The following CNTNAP5 variants were observed in gnomAD, a reference collection of about 807,000 sequenced individuals.
CNTNAP5 encodes the protein contactin associated protein family member 5.
CNTNAP5 carries 72 observed loss-of-function variants against 150.2 expected under a neutral mutation model. The observed-to-expected ratio is 0.48, with a 90% CI of 0.40 to 0.58. The LOEUF is 0.58. Ranked by LOEUF, CNTNAP5 falls within the 20% of genes least tolerant of loss-of-function variation. The probability of loss-of-function intolerance (pLI) is 0.00; values close to 1 mark genes in which losing one functional copy is unlikely to be tolerated. For synonymous variants in CNTNAP5, 672 were observed against 619.8 expected (o/e 1.08, Z -1.25); for missense variants, 1,636 against 1,626.2 (o/e 1.01, Z -0.10).
chr2:124,269,010 G>A (rs1016476170), intron 3 of CNTNAP5, among the ~76,000 whole-genome samples: 4 of 152,012 alleles, frequency 2.6e-5, no homozygotes, highest in Non-Finnish European at 4.4e-5. Flanking sequence ...ACACCCAAAG[G>A]AGGACCAAAG....
intron 14 of CNTNAP5, among the ~76,000 whole-genome samples, chr2:124,750,852 T>C (rs1439870075): frequency 6.6e-6 from 1 of 151,548 alleles, no homozygotes; most frequent in East Asian, 1.9e-4. Context: ...GGCATGGTGG[T>C]GCGTGCCTGT....
chr2:124,093,069 T>C (rs1040407102), intron 1 of CNTNAP5, among the ~76,000 whole-genome samples: 1 of 152,222 alleles, frequency 6.6e-6, no homozygotes, highest in East Asian at 1.9e-4. Context: ...CAAGTAGTCA[T>C]TTCTCCAGGG....
intron 3 of CNTNAP5, among the ~76,000 whole-genome samples, chr2:124,360,383 G>A (rs1392627748): frequency 2.7e-5 from 4 of 148,520 alleles, no homozygotes; most frequent in Non-Finnish European, 6.0e-5. Flanking sequence ...CTCGTTAGTT[G>A]ATGCAGTTTC....
chr2:124,053,000 C>T (rs1681748891), intron 1 of CNTNAP5, among the ~76,000 whole-genome samples: 2 of 149,786 alleles, frequency 1.3e-5, no homozygotes, highest in Admixed American at 1.3e-4. Context: ...TTCCCTGGCC[C>T]TCCCTCCCCC....
chr2:124,510,794 T>C (rs562747167), intron 8 of CNTNAP5, among the ~76,000 whole-genome samples: 1 of 152,114 alleles, frequency 6.6e-6, no homozygotes, highest in South Asian at 2.1e-4. Flanking sequence ...AAAGATCTGA[T>C]CCATGTGGAA....
intron 7 of CNTNAP5, among the ~76,000 whole-genome samples, chr2:124,487,068 C>T (rs147706171): frequency 1.3e-5 from 2 of 152,290 alleles, no homozygotes; most frequent in African/African-American, 4.8e-5. Context: ...TAGTTCAGCT[C>T]ATCACTCTAA....
At chr2:124,039,232 G>A (rs1681303117) in intron 1 of CNTNAP5, among the ~76,000 whole-genome samples, 1 of 152,156 alleles carries the variant, frequency 6.6e-6, no homozygotes, top group Non-Finnish European at 1.5e-5. Flanking sequence ...TTATCTACCT[G>A]CATTCCAGGC....
At chr2:124,337,980 G>T (rs1378185165) in intron 3 of CNTNAP5, among the ~76,000 whole-genome samples, 3 of 152,104 alleles carry the variant, frequency 2.0e-5, no homozygotes, top group African/African-American at 4.8e-5. Context: ...TCATGATATT[G>T]ATTCTTCCTA....
At chr2:124,749,774 C>T (rs1680685539) in intron 14 of CNTNAP5, among the ~76,000 whole-genome samples, 1 of 152,088 alleles carries the variant, frequency 6.6e-6, no homozygotes, top group Non-Finnish European at 1.5e-5. Flanking sequence ...TTTCCTTTAC[C>T]CCTTTCTTTA....
intron 10 of CNTNAP5, among the ~76,000 whole-genome samples, chr2:124,556,729 T>C (rs1049896165): frequency 3.9e-5 from 6 of 152,040 alleles, no homozygotes; most frequent in Admixed American, 3.9e-4. Flanking sequence ...ATCTTGGATA[T>C]AGGCTATGAG....
chr2:124,427,419 A>G (rs985596044), intron 4 of CNTNAP5, among the ~76,000 whole-genome samples: 3 of 152,044 alleles, frequency 2.0e-5, no homozygotes, highest in African/African-American at 4.8e-5. Flanking sequence ...TCAGGGTCAC[A>G]TTGAAACCCA....
At chr2:124,671,181 C>T (rs1678815970) in intron 13 of CNTNAP5, among the ~76,000 whole-genome samples, 1 of 152,172 alleles carries the variant, frequency 6.6e-6, no homozygotes, top group Non-Finnish European at 1.5e-5. Flanking sequence ...TCATCACTAC[C>T]AAGAAATGTT....
intron 3 of CNTNAP5, among the ~76,000 whole-genome samples, chr2:124,246,533 C>T (rs1250968185): frequency 1.3e-5 from 2 of 152,134 alleles, no homozygotes; most frequent in Non-Finnish European, 1.5e-5. Context: ...AATTCCGACT[C>T]TGGGCAGCAA....
Position 124,747,226 on chromosome 2 carries a change from C to T in CNTNAP5, c.2078-3C>T. ...CTGACTGGTGGAATATCTTGTCTTC[C>T]AGATGGAACACCATTTACCTGGTGG... On this transcript the variant is annotated splice_polypyrimidine_tract_variant and splice_region_variant and intron_variant, in intron 13 of 23. Transcript: ENST00000682447. The T allele has an allele frequency of 1.2e-6, 2 of 1,611,212 alleles. No individual in the cohort carries two copies. The highest frequency in any genetic ancestry group is 1.7e-6 in the Non-Finnish European group (2 of 1,177,856).
At chr2:124,278,609 C>T (rs1308522481) in intron 3 of CNTNAP5, among the ~76,000 whole-genome samples, 1 of 152,102 alleles carries the variant, frequency 6.6e-6, no homozygotes, top group African/African-American at 2.4e-5. Context: ...TGATCAAGAG[C>T]TTAAGATGAT....
chr2:124,159,894 T>G (rs1684633240), intron 1 of CNTNAP5, among the ~76,000 whole-genome samples: 1 of 152,164 alleles, frequency 6.6e-6, no homozygotes, highest in Non-Finnish European at 1.5e-5. Flanking sequence ...TAAATGCATT[T>G]GAAGAAGGAG....
intron 3 of CNTNAP5, among the ~76,000 whole-genome samples, chr2:124,349,919 A>G (rs1247812792): frequency 1.8e-5 from 2 of 113,522 alleles, no homozygotes; most frequent in Non-Finnish European, 3.3e-5. Flanking sequence ...GAGTCTAACT[A>G]TGTCGCCCAG....
chr2:124,542,480 A>G (rs895905938), intron 10 of CNTNAP5, among the ~76,000 whole-genome samples: 1 of 151,924 alleles, frequency 6.6e-6, no homozygotes, highest in African/African-American at 2.4e-5. Flanking sequence ...ATGGGATTCC[A>G]GAAGTGCACC....
chr2:124,155,595 A>G (rs1329791711), intron 1 of CNTNAP5, among the ~76,000 whole-genome samples: 1 of 152,086 alleles, frequency 6.6e-6, no homozygotes, highest in Non-Finnish European at 1.5e-5. Flanking sequence ...ATCTCCCAAA[A>G]TTTGTTTTCT....
Sources: gnomAD v4.1 joint callset for allele counts (sites outside exome capture counted in the v4.1 genomes callset) on GRCh38, gnomAD v4.1.1 for gene constraint, MANE v1.5 for transcripts, NCBI Gene and HGNC (gene_info 2026-07-23, HGNC 2026-07-21) for gene names.